The following NUDCD1 variants were observed in gnomAD, a reference collection of about 807,000 sequenced individuals.
NUDCD1 encodes NudC domain containing 1, also known as nudC domain-containing protein 1.
NUDCD1 carries 60 observed loss-of-function variants against 67.8 expected under a neutral mutation model. The ratio of observed to expected loss-of-function variants is 0.88; its 90% CI spans 0.72 to 1.10. The LOEUF (loss-of-function observed/expected upper bound fraction) is 1.10, where lower values mean the gene tolerates loss of function less well. NUDCD1 is among the 50% of genes least tolerant of loss of function. NUDCD1 has a pLI of 0.00. For synonymous variants in NUDCD1, 244 were observed against 230.8 expected (o/e 1.06, Z -0.52); for missense variants, 643 against 695.0 (o/e 0.93, Z 0.84).
chr8:109,319,084 C>T (rs1186471604), intron 2 of NUDCD1, among the ~76,000 whole-genome samples: 1 of 151,764 alleles, frequency 6.6e-6, no homozygotes, highest in Non-Finnish European at 1.5e-5. Flanking sequence ...CGCCATTCTC[C>T]TGCCTCAGCC....
intron 5 of NUDCD1, among the ~76,000 whole-genome samples, chr8:109,284,933 C>CA (rs937233108): frequency 4.1e-5 from 6 of 146,560 alleles, no homozygotes; most frequent in Admixed American, 2.7e-4. Flanking sequence ...GCTAGATTAA[C>CA]AAAAAAAGAG....
rs2980619 is a variant in NUDCD1, at chr8:109,289,818, T to G, written c.756A>C (p.Leu252Phe). 871,380 of 1,553,228 alleles carry G rather than the reference T, an allele frequency of 0.56. 250,056 individuals carry two copies. The highest frequency in any genetic ancestry group is 0.84 in the African/African-American group (60,854 of 72,520). The change falls in exon 5 of 10, where the codon TTA becomes TTC. Residue 252 changes from leucine to phenylalanine, a missense_variant. Leu to Phe is a conservative substitution (Grantham distance 22, BLOSUM62 0). Transcript: ENST00000239690. Reference sequence around the variant, plus strand: ...GATCTTGACCAGCCTGAACAAATGTTAAAGACTTGTAGGATACAATCATTA... The same window carrying G: ...GATCTTGACCAGCCTGAACAAATGTGAAAGACTTGTAGGATACAATCATTA... The part of the protein sequence containing the change: ...NGLMIVSYKS[L>F]TFVQAGQDLE...
chr8:109,310,625 TAATTA>T (rs1815220823), intron 2 of NUDCD1, among the ~76,000 whole-genome samples: 1 of 152,084 alleles, frequency 6.6e-6, no homozygotes, highest in Non-Finnish European at 1.5e-5. Context: ...AGCTGGGACT[TAATTA>T]AACTAAAGAG....
intron 8 of NUDCD1, among the ~76,000 whole-genome samples, chr8:109,250,880 G>C (rs1306026552): frequency 6.6e-6 from 1 of 151,970 alleles, no homozygotes; most frequent in Non-Finnish European, 1.5e-5. Flanking sequence ...CTAATATTTT[G>C]TTAAGAATTT....
chr8:109,279,327 C>T (rs529583680), intron 6 of NUDCD1, among the ~76,000 whole-genome samples: 2 of 152,256 alleles, frequency 1.3e-5, no homozygotes, highest in African/African-American at 4.8e-5. Context: ...TGGTGTCTCA[C>T]TCTAGTTTTA....
intron 2 of NUDCD1, among the ~76,000 whole-genome samples, chr8:109,307,834 G>A (rs1421549883): frequency 1.3e-5 from 2 of 152,126 alleles, no homozygotes; most frequent in Non-Finnish European, 2.9e-5. Context: ...TCTTATATCA[G>A]ATAAAACAAA....
chr8:109,249,691 T>C (rs1003242286), intron 8 of NUDCD1, among the ~76,000 whole-genome samples: 3 of 152,192 alleles, frequency 2.0e-5, no homozygotes, highest in African/African-American at 7.2e-5. Flanking sequence ...CAAATAAGAT[T>C]TGGATTTTTA....
At chr8:109,320,309 G>A (rs1815504687) in intron 2 of NUDCD1, among the ~76,000 whole-genome samples, 1 of 152,112 alleles carries the variant, frequency 6.6e-6, no homozygotes, top group Non-Finnish European at 1.5e-5. Context: ...ACCATGCCCA[G>A]GGGGGCCAGT....
At chr8:109,265,198 T>G (rs1813966517) in intron 8 of NUDCD1, among the ~76,000 whole-genome samples, 1 of 152,066 alleles carries the variant, frequency 6.6e-6, no homozygotes, top group South Asian at 2.1e-4. Context: ...ACAATTTTGT[T>G]TCGTAAAAAT....
intron 8 of NUDCD1, among the ~76,000 whole-genome samples, chr8:109,262,527 C>A (rs1381982801): frequency 6.6e-6 from 1 of 152,176 alleles, no homozygotes; most frequent in African/African-American, 2.4e-5. Context: ...GAAAACCAAC[C>A]AGTCAGAGCT....
chr8:109,255,671 C>A (rs1586253182), intron 8 of NUDCD1, among the ~76,000 whole-genome samples: 1 of 141,510 alleles, frequency 7.1e-6, no homozygotes. Context: ...ATAGAAAGTT[C>A]CACACAGAAA....
chr8:109,324,267 TATAA>T (rs1439148079), intron 1 of NUDCD1, among the ~76,000 whole-genome samples: 2 of 150,940 alleles, frequency 1.3e-5, no homozygotes, highest in South Asian at 2.1e-4. Flanking sequence ...CAAAAGAATA[TATAA>T]ATAAATAGCC....
chr8:109,249,860 T>TTC, intron 8 of NUDCD1, among the ~76,000 whole-genome samples: 1 of 151,466 alleles, frequency 6.6e-6, no homozygotes, highest in South Asian at 2.1e-4. Context: ...TTTTTTTTTT[T>TTC]TTTGAGATGG....
chr8:109,242,057 T>C lies in NUDCD1; in HGVS notation c.*952A>G, dbSNP rs1813379104. The C allele has an allele frequency of 2.5e-6, 1 of 398,112 alleles. No individual in the cohort carries two copies. The highest frequency in any genetic ancestry group is 3.6e-5 in the East Asian group (1 of 28,066). The allele number at this position is 398,112 out of a possible 1,614,324, so 24.7% of individuals were successfully genotyped here. A position where few individuals can be genotyped will look rare whatever the true frequency, so the allele number is the denominator to read the frequency against. Reference sequence around the variant, plus strand: ...TAAAGAGAGCCACAAGGATAAATTATAATTTGTCCTTGTGTGGTAAGATTG... The same window carrying C: ...TAAAGAGAGCCACAAGGATAAATTACAATTTGTCCTTGTGTGGTAAGATTG... On this transcript the variant is annotated 3_prime_UTR_variant, in exon 10 of 10. Transcript: ENST00000239690.
intron 8 of NUDCD1, among the ~76,000 whole-genome samples, chr8:109,250,873 A>G (rs1464666138): frequency 1.3e-5 from 2 of 152,072 alleles, no homozygotes; most frequent in East Asian, 1.9e-4. Context: ...TCATTTACTA[A>G]TATTTTGTTA....
chr8:109,311,541 G>A (rs1415575583), intron 2 of NUDCD1, among the ~76,000 whole-genome samples: 3 of 109,302 alleles, frequency 2.7e-5, no homozygotes, highest in African/African-American at 4.4e-5. Context: ...ATCAATGAGT[G>A]GATAAAGAAA....
At chr8:109,272,806 C>T (rs1203139392) in intron 7 of NUDCD1, among the ~76,000 whole-genome samples, 2 of 152,068 alleles carry the variant, frequency 1.3e-5, no homozygotes, top group African/African-American at 4.8e-5. Flanking sequence ...TGGCTGTTGC[C>T]TCTACTCTAA....
At chr8:109,285,739 G>C (rs2980613) in intron 5 of NUDCD1, among the ~76,000 whole-genome samples, 54,684 of 151,866 alleles carry the variant, frequency 0.36, 10,683 homozygotes, top group South Asian at 0.5. Flanking sequence ...CATTCCTCTT[G>C]AGAACTGAAA....
intron 6 of NUDCD1, among the ~76,000 whole-genome samples, chr8:109,279,234 G>A (rs1308521614): frequency 6.6e-6 from 1 of 152,136 alleles, no homozygotes; most frequent in Admixed American, 6.5e-5. Flanking sequence ...TTTTACACTC[G>A]TACCAGATAT....
Sources: allele counts gnomAD v4.1 joint callset (sites outside exome capture counted in the v4.1 genomes callset), GRCh38; gene constraint gnomAD v4.1.1; transcripts MANE v1.5; gene names NCBI Gene and HGNC (gene_info 2026-07-23, HGNC 2026-07-21).